MAPK10: variants seen among roughly 807,000 people sequenced by gnomAD.
MAPK10 encodes mitogen-activated protein kinase 10.
Under a neutral mutation model 59.3 loss-of-function variants are expected in MAPK10, and 25 were observed. That is an observed-to-expected ratio of 0.42 (90% CI 0.31 to 0.59). MAPK10 has a LOEUF of 0.59. Ranked by LOEUF, MAPK10 falls within the 20% of genes least tolerant of loss-of-function variation. The probability of loss-of-function intolerance (pLI) is 0.15; values close to 1 mark genes in which losing one functional copy is unlikely to be tolerated. For synonymous variants in MAPK10, 190 were observed against 200.5 expected, an observed-to-expected ratio of 0.95 and a Z score of 0.44; for missense variants, 351 against 568.9, an observed-to-expected ratio of 0.62 and a Z score of 3.90.
chr4:86,020,209 T>C (rs188833524), intron 13 of MAPK10: 1 of 152,376 alleles, frequency 6.6e-6, no homozygotes, highest in East Asian at 1.9e-4. Context: ...GCCACTTTCA[T>C]ATAGCAGAAT....
At chr4:86,124,732 A>G (rs1313116570) in intron 4 of MAPK10, 3 of 152,044 alleles carry the variant, frequency 2.0e-5, no homozygotes, top group Non-Finnish European at 4.4e-5. Context: ...TTAATTTGTG[A>G]GAACAGTCTT....
At chr4:86,421,527 T>G (rs896581113) in intron 1 of MAPK10, among the ~76,000 whole-genome samples, 1 of 152,096 alleles carries the variant, frequency 6.6e-6, no homozygotes, top group Non-Finnish European at 1.5e-5. Context: ...ATCCTCTTCA[T>G]AGAGGAGGTA....
At chr4:86,250,166 C>A (rs2093338376) in intron 2 of MAPK10, among the ~76,000 whole-genome samples, 1 of 152,140 alleles carries the variant, frequency 6.6e-6, no homozygotes, top group South Asian at 2.1e-4. Context: ...GAATGCCGAT[C>A]TTTACAAACT....
intron 3 of MAPK10, among the ~76,000 whole-genome samples, chr4:86,171,993 T>C (rs1476594662): frequency 6.8e-6 from 1 of 147,164 alleles, no homozygotes; most frequent in African/African-American, 2.6e-5. Flanking sequence ...TCACTGGCCA[T>C]CAGAGAAATG....
chr4:86,249,828 T>A (rs1563583419), intron 2 of MAPK10, among the ~76,000 whole-genome samples: 1 of 152,162 alleles, frequency 6.6e-6, no homozygotes, highest in Non-Finnish European at 1.5e-5. Flanking sequence ...GTCAAGATGC[T>A]TATACCTATG....
At chr4:86,457,144 CA>C (rs1053573159), upstream of MAPK10, among the ~76,000 whole-genome samples, 1 of 152,066 alleles carries the variant, frequency 6.6e-6, no homozygotes, top group Non-Finnish European at 1.5e-5. Context: ...AATTGGCATA[CA>C]AAGGACATAC....
At chr4:86,120,076 G>GT (rs2058984392) in intron 4 of MAPK10, 1 of 152,222 alleles carries the variant, frequency 6.6e-6, no homozygotes, top group Non-Finnish European at 1.5e-5. Flanking sequence ...TTGGAAAGCA[G>GT]TAAGTCATGG....
At chr4:86,350,425 A>G (rs370285090) in intron 2 of MAPK10, among the ~76,000 whole-genome samples, 13 of 152,194 alleles carry the variant, frequency 8.5e-5, no homozygotes, top group Non-Finnish European at 2.9e-5. Context: ...CGTGTTAGCC[A>G]GGATGGTCTT....
intron 11 of MAPK10, among the ~76,000 whole-genome samples, chr4:86,037,423 G>T (rs35755826): frequency 0.2 from 30,570 of 151,804 alleles, 3,653 homozygotes; most frequent in African/African-American, 0.32. Context: ...GGGAGGCTGA[G>T]GCAGGAGAAT....
chr4:86,457,686 A>G (rs1751358161), upstream of MAPK10, among the ~76,000 whole-genome samples: 1 of 152,242 alleles, frequency 6.6e-6, no homozygotes, highest in African/African-American at 2.4e-5. Context: ...AACACATCCC[A>G]TGCTCATGGA....
At chr4:86,194,725 CAA>C (rs61032452) in intron 2 of MAPK10, among the ~76,000 whole-genome samples, 3 of 149,050 alleles carry the variant, frequency 2.0e-5, no homozygotes, top group Non-Finnish European at 4.5e-5. Context: ...ATTTAATTTA[CAA>C]AAAAAAACTC....
chr4:86,543,781 G>A (rs1758917808), intron 1 of MAPK10, among the ~76,000 whole-genome samples: 1 of 152,104 alleles, frequency 6.6e-6, no homozygotes, highest in Non-Finnish European at 1.5e-5. Context: ...AACAGGAACG[G>A]GAATGTTTCA....
At chr4:86,589,350 C>T (rs1294226712) in intron 1 of MAPK10, among the ~76,000 whole-genome samples, 1 of 152,112 alleles carries the variant, frequency 6.6e-6, no homozygotes, top group Non-Finnish European at 1.5e-5. Context: ...GGAACTTGTA[C>T]CACTTATCTG....
At position 86,360,022 on chromosome 4, in the gene MAPK10, A is replaced by G. The variant is rs28411373; in HGVS notation, c.-486T>C. On this transcript the variant is annotated 5_prime_UTR_variant, in exon 1 of 14. It removes an upstream start codon present in the reference 5' UTR. Transcript: ENST00000641462. Reference sequence around the variant, plus strand: ...CACCCTCTTTCACTGCCTGGAAACCATTGTGCAGCGTGATGCTGCCTGTAC... The same window carrying G: ...CACCCTCTTTCACTGCCTGGAAACCGTTGTGCAGCGTGATGCTGCCTGTAC... 1.0e-6 allele frequency: 1 copy of G among 985,872 alleles called. No individual in the cohort carries two copies. Among genetic ancestry groups the G allele is most frequent in the East Asian group, 1.1e-4 (1 of 8,810 alleles). 61.1% of individuals were successfully genotyped at this position (985,872 alleles called of 1,614,324 possible).
intron 1 of MAPK10, among the ~76,000 whole-genome samples, chr4:86,425,204 C>T (rs941568320): frequency 3.9e-5 from 6 of 152,144 alleles, no homozygotes; most frequent in Admixed American, 6.5e-5. Context: ...TTTCTCCTAA[C>T]GGAGTTTAAT....
intron 9 of MAPK10, 89 bp downstream of exon 9, chr4:86,098,435 C>A: frequency 6.4e-7 from 1 of 1,573,598 alleles, no homozygotes; most frequent in Non-Finnish European, 8.6e-7. Context: ...CTTTTTGCTT[C>A]TATCTTTACT....
intron 4 of MAPK10, chr4:86,119,912 C>T (rs1458142349): frequency 6.6e-6 from 1 of 152,206 alleles, no homozygotes; most frequent in Non-Finnish European, 1.5e-5. Context: ...TCAGAACTCC[C>T]AATAGGGTCA....
chr4:86,136,600 C>A (rs566645720), intron 4 of MAPK10, among the ~76,000 whole-genome samples: 3 of 149,292 alleles, frequency 2.0e-5, no homozygotes, highest in Admixed American at 6.6e-5. Flanking sequence ...GTAAAGACCA[C>A]CGAGACTAGG....
At chr4:86,555,582 A>G (rs186303610) in intron 1 of MAPK10, among the ~76,000 whole-genome samples, 2 of 152,224 alleles carry the variant, frequency 1.3e-5, no homozygotes, top group Middle Eastern at 3.2e-3. Flanking sequence ...TGGATGCTTT[A>G]GCCTGAAATA....
Sources: allele counts gnomAD v4.1 joint callset (sites outside exome capture counted in the v4.1 genomes callset), GRCh38; gene constraint gnomAD v4.1.1; transcripts MANE v1.5; gene names NCBI Gene and HGNC (gene_info 2026-07-23, HGNC 2026-07-21).